Variants in FAM120A observed in about 807,000 individuals in gnomAD.
The protein encoded by FAM120A is constitutive coactivator of PPAR-gamma-like protein 1.
A neutral mutation model predicts 109.7 loss-of-function variants in FAM120A; 15 were observed. That is an observed-to-expected ratio of 0.14 (90% CI 0.09 to 0.21). The LOEUF (loss-of-function observed/expected upper bound fraction) is 0.21, where lower values mean the gene tolerates loss of function less well. FAM120A is among the 10% of genes least tolerant of loss of function. The probability of loss-of-function intolerance (pLI) is 1.00; values close to 1 mark genes in which losing one functional copy is unlikely to be tolerated. For missense variants in FAM120A, 899 were observed against 1,439.3 expected, an observed-to-expected ratio of 0.62 and a Z score of 6.07; for synonymous variants, 493 against 572.8, an observed-to-expected ratio of 0.86 and a Z score of 1.99.
chr9:93,468,342 C>T (rs1858147533), intron 1 of FAM120A, among the ~76,000 whole-genome samples: 1 of 152,204 alleles, frequency 6.6e-6, no homozygotes, highest in African/African-American at 2.4e-5. Context: ...TTGCTGGCTG[C>T]CAGCACCAAG....
intron 1 of FAM120A, among the ~76,000 whole-genome samples, 181 bp from the exon 2 acceptor site, chr9:93,470,960 A>G (rs1213296883): frequency 2.0e-5 from 3 of 152,188 alleles, no homozygotes; most frequent in Admixed American, 6.5e-5. Context: ...GATTTCCCAC[A>G]GAAATTTCTT....
rs544496140 is a variant in FAM120A at position 93,479,079 on chromosome 9, T to G, written c.804+2741T>G. ...GTTGAAATGATGAGAGGTTTAAGAT[T>G]AGGGTATTGCATTTTTTTTTTTTTT... is the stretch of plus-strand genomic sequence containing the variant. On this transcript the variant is annotated intron_variant, in intron 3 of 17. Transcript: ENST00000277165. 6.0e-5 allele frequency among the ~76,000 whole-genome samples: 9 copies of G among 150,818 alleles called. No homozygotes were observed. The East Asian group carries it at 1.6e-3, about 26-fold the overall frequency.
Position 93,497,453 on chromosome 9 carries a change from T to C in FAM120A, c.805-18T>C. 1 of 1,611,188 alleles carries C rather than the reference T, an allele frequency of 6.2e-7. No homozygotes were observed. ...GTTGCTCACCATCCACTGTTGACACTTACGTTTGTTTTCTCAGGTCCGGGC... is the reference window on the plus strand; with the variant it reads ...GTTGCTCACCATCCACTGTTGACACCTACGTTTGTTTTCTCAGGTCCGGGC... On this transcript the variant is annotated intron_variant, in intron 3 of 17. Transcript: ENST00000277165.
chr9:93,533,689 G>A (rs1157864839), intron 10 of FAM120A, among the ~76,000 whole-genome samples: 1 of 152,108 alleles, frequency 6.6e-6, no homozygotes, highest in African/African-American at 2.4e-5. Context: ...TCTGCAGGCT[G>A]ACCAGGCCCT....
chr9:93,483,413 A>G (rs1407255903), intron 3 of FAM120A, among the ~76,000 whole-genome samples: 2 of 152,210 alleles, frequency 1.3e-5, no homozygotes, highest in Admixed American at 6.5e-5. Flanking sequence ...TATTGGGGAA[A>G]AAAAGAGAGA....
intron 3 of FAM120A, among the ~76,000 whole-genome samples, chr9:93,478,702 C>T (rs1017197211): frequency 2.0e-5 from 3 of 152,190 alleles, no homozygotes; most frequent in African/African-American, 7.2e-5. Flanking sequence ...TCTCGAACAC[C>T]TGACCTCAGG....
chr9:93,504,294 G>A (rs946670415), intron 5 of FAM120A, among the ~76,000 whole-genome samples: 5 of 152,240 alleles, frequency 3.3e-5, no homozygotes, highest in Non-Finnish European at 7.4e-5. Flanking sequence ...CACCACCTTG[G>A]ATTTTAGACT....
Position 93,500,090 on chromosome 9 carries a change from G to T in FAM120A, c.1030+1204G>T, listed in dbSNP as rs1427701126. Among the ~76,000 whole-genome samples, 1 of 152,242 alleles carries T rather than the reference G, an allele frequency of 6.6e-6. No homozygotes were observed. The highest frequency in any genetic ancestry group is 2.4e-5 in the African/African-American group (1 of 41,466). On this transcript the variant is annotated intron_variant, in intron 5 of 17. Transcript: ENST00000277165. The surrounding 1 kb of genome is among the most constrained non-coding windows in gnomAD (Gnocchi z 4.6). ...ATCTCCACTGCGAGGTCAGTAAATG[G>T]CAGCAGCCTCCCAGTGGGGCTCTTT...
intron 3 of FAM120A, among the ~76,000 whole-genome samples, chr9:93,482,633 A>G (rs1454214438): frequency 6.6e-6 from 1 of 152,152 alleles, no homozygotes; most frequent in Non-Finnish European, 1.5e-5. Flanking sequence ...AGTAGTGAGG[A>G]GGGTAGCATC....
chr9:93,451,939 C>G lies in FAM120A; in HGVS notation c.24C>G (p.Asp8Glu). Residue 8 changes from aspartate (D) to glutamate (E), a missense_variant, in exon 1 of 18, where the codon GAC becomes GAG. Physicochemically the swap from Asp to Glu is conservative, Grantham distance 45. Coordinates refer to ENST00000277165, the MANE Select transcript of FAM120A (RefSeq NM_014612.5). MGVQGFQ[D>E]YIEKHCPSAV... Reference sequence around the variant, plus strand: ...CCATGGGCGTGCAGGGCTTCCAGGACTACATCGAGAAGCACTGCCCGAGCG... The same window carrying G: ...CCATGGGCGTGCAGGGCTTCCAGGAGTACATCGAGAAGCACTGCCCGAGCG... 1 of 1,522,468 alleles carries G rather than the reference C, an allele frequency of 6.6e-7. No individual in the cohort carries two copies. Among genetic ancestry groups the G allele is most frequent in the Non-Finnish European group, 8.8e-7 (1 of 1,139,296 alleles). 94.3% of individuals were successfully genotyped at this position (1,522,468 alleles called of 1,614,324 possible). A position where few individuals can be genotyped will look rare whatever the true frequency, so the allele number is the denominator to read the frequency against.
intron 4 of FAM120A, among the ~76,000 whole-genome samples, 175 bp downstream of exon 4, chr9:93,497,774 G>C (rs140562187): frequency 6.6e-6 from 1 of 152,318 alleles, no homozygotes; most frequent in African/African-American, 2.4e-5. Flanking sequence ...AGAGGCTGAG[G>C]TAGCCTGGTC....
rs932477110 is a variant in FAM120A at position 93,500,354 on chromosome 9, G to A, written c.1030+1468G>A. 3.9e-5 allele frequency among the ~76,000 whole-genome samples: 6 copies of A among 152,202 alleles called. No individual in the cohort carries two copies. Among genetic ancestry groups the A allele is most frequent in the African/African-American group, 1.4e-4 (6 of 41,452 alleles). The stretch of plus-strand genomic sequence containing the variant: ...CATGAACCAAGCTAGCTTCTGCCCT[G>A]GGCCTCTGGGCCGGCTTTTGTGCCT... On this transcript the variant is annotated intron_variant, in intron 5 of 17. Coordinates refer to ENST00000277165, the MANE Select transcript of FAM120A (RefSeq NM_014612.5). The surrounding 1 kb of genome is among the most constrained non-coding windows in gnomAD (Gnocchi z 4.6).
At chr9:93,462,043 A>G (rs1453483675) in intron 1 of FAM120A, among the ~76,000 whole-genome samples, 3 of 152,234 alleles carry the variant, frequency 2.0e-5, no homozygotes, top group Non-Finnish European at 4.4e-5. Context: ...ACCCTTTGAT[A>G]CAGCCTGGCA....
intron 12 of FAM120A, among the ~76,000 whole-genome samples, chr9:93,555,740 G>C (rs1862264184): frequency 6.6e-6 from 1 of 152,210 alleles, no homozygotes; most frequent in Non-Finnish European, 1.5e-5. Flanking sequence ...AATTCTAGTA[G>C]TATGTATGGT....
intron 1 of FAM120A, among the ~76,000 whole-genome samples, chr9:93,454,968 T>C (rs1857486599): frequency 6.6e-6 from 1 of 152,232 alleles, no homozygotes; most frequent in Admixed American, 6.5e-5. Flanking sequence ...GCACCACCAC[T>C]CCAGAAAACA....
At chr9:93,550,530 G>A in intron 11 of FAM120A, 47 bp from the exon 12 acceptor site, 1 of 1,453,040 alleles carries the variant, frequency 6.9e-7, no homozygotes, top group Non-Finnish European at 9.6e-7. Context: ...CTATATGACG[G>A]GCGACCACTC....
intron 3 of FAM120A, among the ~76,000 whole-genome samples, chr9:93,492,086 G>A (rs937285407): frequency 1.3e-5 from 2 of 152,022 alleles, no homozygotes; most frequent in Non-Finnish European, 1.5e-5. Flanking sequence ...GCCTTTCATG[G>A]ACAAACAAGT....
chr9:93,482,766 C>T (rs1858876867), intron 3 of FAM120A, among the ~76,000 whole-genome samples: 1 of 152,054 alleles, frequency 6.6e-6, no homozygotes, highest in Non-Finnish European at 1.5e-5. Context: ...TAGACTGGCC[C>T]TTTGAGACAA....
chr9:93,475,812 G>A (rs1178403459), intron 2 of FAM120A, among the ~76,000 whole-genome samples: 1 of 152,148 alleles, frequency 6.6e-6, no homozygotes, highest in Non-Finnish European at 1.5e-5. Context: ...TGCTAAGAAA[G>A]GTTTTATAAT....
Sources: allele counts gnomAD v4.1 joint callset (sites outside exome capture counted in the v4.1 genomes callset), GRCh38; gene constraint gnomAD v4.1.1; non-coding constraint Gnocchi (gnomAD v3.1); transcripts MANE v1.5; gene names NCBI Gene and HGNC (gene_info 2026-07-23, HGNC 2026-07-21).